NRG1: variants seen among roughly 807,000 people sequenced by gnomAD.
NRG1 encodes the protein pro-neuregulin-1, membrane-bound isoform.
A neutral mutation model predicts 63.8 loss-of-function variants in NRG1; 18 were observed. The observed-to-expected ratio is 0.28, with a 90% CI of 0.19 to 0.42. NRG1 has a LOEUF of 0.42. Ranked by LOEUF, NRG1 falls within the 10% of genes least tolerant of loss-of-function variation. NRG1 has a pLI of 1.00. For missense variants in NRG1, 762 were observed against 814.7 expected, an observed-to-expected ratio of 0.94 and a Z score of 0.79; for synonymous variants, 302 against 301.3, an observed-to-expected ratio of 1.00 and a Z score of -0.02.
At chr8:32,743,002 T>C in intron 7 of NRG1, 1 of 1,269,240 alleles carries the variant, frequency 7.9e-7, no homozygotes, top group Non-Finnish European at 1.0e-6. Flanking sequence ...TGATACAAAT[T>C]GATAGTCAAT....
intron 1 of NRG1, among the ~76,000 whole-genome samples, chr8:32,185,325 G>A (rs1841863963): frequency 6.6e-6 from 1 of 152,026 alleles, no homozygotes; most frequent in African/African-American, 2.4e-5. Context: ...TCCTTAATAG[G>A]ATGTATTAAT....
chr8:32,611,294 A>T (rs1846318892), intron 3 of NRG1, among the ~76,000 whole-genome samples: 1 of 152,072 alleles, frequency 6.6e-6, no homozygotes, highest in Non-Finnish European at 1.5e-5. Context: ...ATTTAATTAA[A>T]TTATCAATTG....
chr8:31,938,109 A>G (rs767434665), intron 1 of NRG1, among the ~76,000 whole-genome samples: 7 of 152,038 alleles, frequency 4.6e-5, no homozygotes, highest in Admixed American at 6.5e-5. Flanking sequence ...CTAAACCAAA[A>G]CCAGTGCATT....
intron 1 of NRG1, among the ~76,000 whole-genome samples, chr8:32,010,984 C>T (rs955229497): frequency 6.6e-6 from 1 of 151,948 alleles, no homozygotes; most frequent in Non-Finnish European, 1.5e-5. Flanking sequence ...TAGGTGTTTG[C>T]TTTAAAAAGT....
rs1453273628 is a variant in NRG1 at position 32,406,430 on chromosome 8, G to A, written c.38-189398G>A. Among the ~76,000 whole-genome samples, 7 of 152,050 alleles carry A rather than the reference G, an allele frequency of 4.6e-5. No individual in the cohort carries two copies. The South Asian group carries it at 1.2e-3, about 27-fold the overall frequency. On this transcript the variant is annotated intron_variant, in intron 1 of 10. Coordinates refer to the NRG1 transcript ENST00000519301. ...AAATTAATCCTGTAAAAATGCTTAG[G>A]TTTCTGGCACATAGTAAGGGCTTAG...
At chr8:31,769,346 G>A (rs1413929115) in intron 1 of NRG1, among the ~76,000 whole-genome samples, 1 of 152,126 alleles carries the variant, frequency 6.6e-6, no homozygotes, top group Non-Finnish European at 1.5e-5. Flanking sequence ...TGTGAACTAT[G>A]AGGCCACATA....
chr8:31,825,304 C>T (rs1824433714), intron 1 of NRG1, among the ~76,000 whole-genome samples: 1 of 151,830 alleles, frequency 6.6e-6, no homozygotes, highest in Admixed American at 6.6e-5. Context: ...AGGAGAATGG[C>T]ATGAACCCGG....
chr8:32,505,567 G>A (rs1828412151), intron 1 of NRG1, among the ~76,000 whole-genome samples: 1 of 152,200 alleles, frequency 6.6e-6, no homozygotes, highest in Non-Finnish European at 1.5e-5. Context: ...CAGAGAGGGT[G>A]CAGAAGACTC....
intron 1 of NRG1, among the ~76,000 whole-genome samples, chr8:32,374,639 A>G (rs1809381765): frequency 6.6e-6 from 1 of 152,208 alleles, no homozygotes; most frequent in African/African-American, 2.4e-5. Context: ...CTTCACCTCC[A>G]GGGCCTTCTT....
At chr8:31,973,969 G>C (rs879600948) in intron 1 of NRG1, among the ~76,000 whole-genome samples, 1 of 152,174 alleles carries the variant, frequency 6.6e-6, no homozygotes, top group African/African-American at 2.4e-5. Context: ...TGGGTGGGCT[G>C]TGAGGGAAGA....
At chr8:32,278,673 A>T (rs1009499213) in intron 1 of NRG1, among the ~76,000 whole-genome samples, 3 of 152,000 alleles carry the variant, frequency 2.0e-5, no homozygotes, top group Non-Finnish European at 4.4e-5. Context: ...GACCACTCAG[A>T]TTCCCTCTTA....
intron 1 of NRG1, among the ~76,000 whole-genome samples, chr8:32,002,809 T>G (rs1435308330): frequency 6.6e-6 from 1 of 152,126 alleles, no homozygotes; most frequent in East Asian, 1.9e-4. Flanking sequence ...TAAACTTCTG[T>G]GTCTACATTA....
chr8:31,643,129 AAGAATG>A (rs1803963275), intron 1 of NRG1, among the ~76,000 whole-genome samples: 1 of 152,198 alleles, frequency 6.6e-6, no homozygotes, highest in African/African-American at 2.4e-5. Flanking sequence ...AGCAAGAGGA[AAGAATG>A]AGAATGAGAA....
intron 1 of NRG1, among the ~76,000 whole-genome samples, chr8:32,587,484 A>G (rs571739339): frequency 6.6e-6 from 1 of 152,262 alleles, no homozygotes; most frequent in East Asian, 1.9e-4. Context: ...CATTTTTGTT[A>G]GTGTCTGATG....
At chr8:32,321,453 T>C (rs376436778) in intron 1 of NRG1, among the ~76,000 whole-genome samples, 4 of 149,306 alleles carry the variant, frequency 2.7e-5, no homozygotes, top group African/African-American at 9.8e-5. Flanking sequence ...TGTAAGATTA[T>C]AAAGGTTAGA....
exon 12 of NRG1, chr8:32,764,598 C>T (rs780721565): frequency 5.3e-5 from 25 of 469,908 alleles, no homozygotes; most frequent in African/African-American, 8.0e-5. Flanking sequence ...TATTTCAAAA[C>T]GAGAAAGATA....
chr8:32,530,646 TG>T (rs1328179344), intron 1 of NRG1, among the ~76,000 whole-genome samples: 1 of 152,088 alleles, frequency 6.6e-6, no homozygotes, highest in East Asian at 1.9e-4. Flanking sequence ...ATTCCACATT[TG>T]TTTTTTTTGT....
chr8:31,837,519 A>G (rs1424798533), intron 1 of NRG1, among the ~76,000 whole-genome samples: 1 of 152,074 alleles, frequency 6.6e-6, no homozygotes, highest in East Asian at 1.9e-4. Flanking sequence ...GAGAACATCC[A>G]AAATTCTCTC....
intron 1 of NRG1, among the ~76,000 whole-genome samples, chr8:31,658,322 A>T (rs940562497): frequency 2.6e-5 from 4 of 152,276 alleles, no homozygotes; most frequent in South Asian, 4.1e-4. Flanking sequence ...CTCACTCTGT[A>T]CTCATGACCT....
Sources: gnomAD v4.1 joint callset for allele counts (sites outside exome capture counted in the v4.1 genomes callset) on GRCh38, gnomAD v4.1.1 for gene constraint, MANE v1.5 for transcripts, NCBI Gene and HGNC (gene_info 2026-07-23, HGNC 2026-07-21) for gene names.